Variants in VAMP2 observed in about 807,000 individuals in gnomAD.
VAMP2 encodes the protein vesicle associated membrane protein 2.
For synonymous variants in VAMP2, 67 were observed against 57.3 expected (o/e 1.17, Z -0.76); for missense variants, 95 against 151.3 (o/e 0.63, Z 1.95).
Position 8,162,235 on chromosome 17 carries a change from C to T in VAMP2, c.123+14G>A. ...AGGGTCCCTCCTACTGCTTTTGACT[C>T]CCCCCACACTCACCTCATCCACCTG... On this transcript the variant is annotated intron_variant, in intron 2 of 4. Transcript: ENST00000316509. The T allele has an allele frequency of 6.6e-7, 1 of 1,525,710 alleles. No individual in the cohort carries two copies. The highest frequency in any genetic ancestry group is 8.8e-7 in the Non-Finnish European group (1 of 1,141,536). The allele number at this position is 1,525,710 out of a possible 1,614,324, so 94.5% of individuals were successfully genotyped here. A position where few individuals can be genotyped will look rare whatever the true frequency, so the allele number is the denominator to read the frequency against.
In VAMP2 at chr17:8,160,776, A is replaced by T; in HGVS notation, c.*79T>A. The T allele has an allele frequency of 6.5e-7, 1 of 1,533,272 alleles. No homozygotes were observed. The allele number at this position is 1,533,272 out of a possible 1,614,324, so 95.0% of individuals were successfully genotyped here. ...CGGATCCAGGGGAGTGGGGGCTGAAAGATATGGCTGAGAGGTGGAGGAACG... is the reference window on the plus strand; with the variant it reads ...CGGATCCAGGGGAGTGGGGGCTGAATGATATGGCTGAGAGGTGGAGGAACG... On this transcript the variant is annotated 3_prime_UTR_variant, in exon 5 of 5. Coordinates refer to ENST00000316509, the MANE Select transcript of VAMP2 (RefSeq NM_014232.3).
intron 4 of VAMP2, 23 bp from the exon 5 acceptor site, chr17:8,160,894 TGAGGAA>T (rs1567543657): frequency 1.3e-6 from 2 of 1,594,864 alleles, no homozygotes; most frequent in South Asian, 2.2e-5. Flanking sequence ...GGGAAGAAGA[TGAGGAA>T]GAGGGAGAGG....
chr17:8,162,118 T>C (rs1213603516), intron 2 of VAMP2, 131 bp downstream of exon 2: 3 of 1,392,498 alleles, frequency 2.2e-6, no homozygotes, highest in Non-Finnish European at 2.9e-6. Context: ...GAGACAGGGA[T>C]GGGGCATGGT....
chr17:8,160,904 G>A (rs1983292446), intron 4 of VAMP2, 33 bp from the exon 5 acceptor site: 9 of 1,567,502 alleles, frequency 5.7e-6, no homozygotes, highest in Non-Finnish European at 7.9e-6. Context: ...TGAGGAAGAG[G>A]GAGAGGGGAG....
Position 8,160,859 on chromosome 17 carries a change from G to C in VAMP2, c.347C>G (p.Thr116Ser). ...ILIIIIVYFS[T>S] ...CAGGGCAGACTCCTCGGGGATTTAA[G>C]TGCTGAAGTAAACTGTGGAGAGAGG... The change falls in exon 5 of 5, where the codon ACT becomes AGT. Residue 116 changes from threonine (T) to serine (S), a missense_variant. Transcript: ENST00000316509. 2 of 1,610,940 alleles carry C rather than the reference G, an allele frequency of 1.2e-6. No individual in the cohort carries two copies. Among genetic ancestry groups the C allele is most frequent in the Non-Finnish European group, 1.7e-6 (2 of 1,178,370 alleles).
chr17:8,160,914 G>C, intron 4 of VAMP2, 43 bp from the exon 5 acceptor site: 4 of 1,508,714 alleles, frequency 2.7e-6, no homozygotes, highest in Non-Finnish European at 3.7e-6. Context: ...GGAGAGGGGA[G>C]AGAAAGAGAG....
intron 1 of VAMP2, 112 bp from the exon 2 acceptor site, chr17:8,162,481 G>T (rs759628639): frequency 5.8e-6 from 9 of 1,550,494 alleles, no homozygotes; most frequent in Non-Finnish European, 7.8e-6. Flanking sequence ...CTTTTCGGGA[G>T]GAAGGCCACC....
rs373784170 is a variant in VAMP2, at chr17:8,162,213, G to T, written c.123+36C>A. The T allele has an allele frequency of 4.7e-6, 7 of 1,503,328 alleles. No homozygotes were observed. In the African/African-American group the frequency reaches 8.5e-5, roughly 18 times the overall value. 93.1% of individuals were successfully genotyped at this position (1,503,328 alleles called of 1,614,324 possible). A position where few individuals can be genotyped will look rare whatever the true frequency, so the allele number is the denominator to read the frequency against. On this transcript the variant is annotated intron_variant, in intron 2 of 4. Coordinates refer to ENST00000316509, the MANE Select transcript of VAMP2 (RefSeq NM_014232.3). ...CTACACCTATACGCCAACCCCCAGGGTCCCTCCTACTGCTTTTGACTCCCC... is the reference window on the plus strand; with the variant it reads ...CTACACCTATACGCCAACCCCCAGGTTCCCTCCTACTGCTTTTGACTCCCC...
At chr17:8,162,750 C>T in intron 1 of VAMP2, 128 bp downstream of exon 1, 9 of 1,275,718 alleles carry the variant, frequency 7.1e-6, no homozygotes, top group Non-Finnish European at 8.9e-6. Flanking sequence ...CGCGCGCAGT[C>T]ACCGGCTTGG....
chr17:8,162,105 A>G, intron 2 of VAMP2, 144 bp downstream of exon 2: 2 of 1,350,138 alleles, frequency 1.5e-6, no homozygotes, highest in South Asian at 1.5e-5. Context: ...GCGTGCTGAC[A>G]GGGAGACAGG....
intron 4 of VAMP2, 66 bp downstream of exon 4, chr17:8,161,407 A>C: frequency 6.3e-7 from 1 of 1,590,862 alleles, no homozygotes; most frequent in Non-Finnish European, 8.6e-7. Context: ...AATGACCTTC[A>C]AAACCTAGAA....
Position 8,162,241 on chromosome 17 carries a change from A to C in VAMP2, c.123+8T>G, listed in dbSNP as rs148400224. The C allele has an allele frequency of 2.0e-6, 3 of 1,533,546 alleles. No individual in the cohort carries two copies. Among genetic ancestry groups the C allele is most frequent in the East Asian group, 4.7e-5 (2 of 42,842 alleles). The allele number at this position is 1,533,546 out of a possible 1,614,324, so 95.0% of individuals were successfully genotyped here. On this transcript the variant is annotated splice_region_variant and intron_variant, in intron 2 of 4. Coordinates refer to ENST00000316509, the MANE Select transcript of VAMP2 (RefSeq NM_014232.3). ...CCTCCTACTGCTTTTGACTCCCCCC[A>C]CACTCACCTCATCCACCTGGGCCTG...
chr17:8,161,694 G>A lies in VAMP2; in HGVS notation c.196C>T (p.Arg66Cys), dbSNP rs1567543885. 6.2e-7 allele frequency: 1 copy of A among 1,614,164 alleles called. No homozygotes were observed. Among genetic ancestry groups the A allele is most frequent in the Non-Finnish European group, 8.5e-7 (1 of 1,180,022 alleles). The change falls in exon 3 of 5, where the codon CGT becomes TGT. Residue 66 changes from arginine (R) to cysteine (C), a missense_variant. Transcript: ENST00000316509. The stretch of plus-strand genomic sequence containing the variant: ...GCCCCCGCCTGGAGTGCATCTGCAC[G>A]GTCGTCCAGCTCCGACAGCTTCTGG... Reference protein sequence around the residue: ...RDQKLSELDDRADALQAGASQ... With the variant: ...RDQKLSELDDCADALQAGASQ...
chr17:8,162,201 C>T (rs752457045), intron 2 of VAMP2, 48 bp downstream of exon 2: 1 of 1,500,800 alleles, frequency 6.7e-7, no homozygotes, highest in Non-Finnish European at 8.9e-7. Flanking sequence ...CACCTATACG[C>T]CAACCCCCAG....
intron 4 of VAMP2, chr17:8,161,239 C>T (rs1368705920): frequency 1.5e-6 from 1 of 646,646 alleles, no homozygotes; most frequent in African/African-American, 1.8e-5. Context: ...AAAGGGTCCT[C>T]AATGGATACA....
chr17:8,162,852 G>A, intron 1 of VAMP2, 26 bp downstream of exon 1: 1 of 1,214,054 alleles, frequency 8.2e-7, no homozygotes, highest in Non-Finnish European at 1.0e-6. Context: ...GGGAAGCGCG[G>A]TGAGGGTGGC....
chr17:8,162,802 C>A (rs998912649), intron 1 of VAMP2, 76 bp downstream of exon 1: 12 of 1,217,358 alleles, frequency 9.9e-6, no homozygotes, highest in East Asian at 3.3e-5. Flanking sequence ...AGACCCCGGG[C>A]ACTCCCGACG....
chr17:8,161,585 C>T, intron 3 of VAMP2, 23 bp downstream of exon 3: 1 of 1,613,946 alleles, frequency 6.2e-7, no homozygotes, highest in Non-Finnish European at 8.5e-7. Context: ...CCCACCTGTC[C>T]TCCTTCCTGT....
intron 2 of VAMP2, 34 bp downstream of exon 2, chr17:8,162,215 C>G: frequency 6.6e-7 from 1 of 1,505,508 alleles, no homozygotes. Flanking sequence ...CCCCCAGGGT[C>G]CCTCCTACTG....
Sources: allele counts gnomAD v4.1 joint callset, GRCh38; gene constraint gnomAD v4.1.1; transcripts MANE v1.5; gene names NCBI Gene and HGNC (gene_info 2026-07-23, HGNC 2026-07-21).